VPS13C: variants seen among roughly 807,000 people sequenced by gnomAD.
The protein encoded by VPS13C is vacuolar protein sorting 13 homolog C, also known as intermembrane lipid transfer protein VPS13C.
In VPS13C, 358 loss-of-function variants were observed where a neutral mutation model predicts 456.8. That is an observed-to-expected ratio of 0.78 (90% CI 0.72 to 0.86). VPS13C has a LOEUF of 0.86. VPS13C is among the 40% of genes least tolerant of loss of function. The pLI is 0.00. For synonymous variants in VPS13C, 1,578 were observed against 1,486.7 expected (o/e 1.06, Z -1.41); for missense variants, 4,818 against 4,385.4 (o/e 1.10, Z -2.79).
At chr15:61,935,117 A>G (rs2044183268) in intron 48 of VPS13C, among the ~76,000 whole-genome samples, 1 of 152,182 alleles carries the variant, frequency 6.6e-6, no homozygotes, top group Non-Finnish European at 1.5e-5. Context: ...ATATAACTCA[A>G]TAGCAAAATC....
In VPS13C at chr15:61,878,843, T is replaced by C. The variant is rs1055612930; in HGVS notation, c.10003-97A>G. The C allele has an allele frequency of 4.7e-6, 6 of 1,271,408 alleles. No homozygotes were observed. In the African/African-American group the frequency reaches 9.1e-5, roughly 19 times the overall value. The allele number at this position is 1,271,408 out of a possible 1,614,324, so 78.8% of individuals were successfully genotyped here. A position where few individuals can be genotyped will look rare whatever the true frequency, so the allele number is the denominator to read the frequency against. ...CCAGAAACAAACCAAAAAAAGTCTT[T>C]CGATTAGAGTCCTAGTGAAAGCTAT... On this transcript the variant is annotated intron_variant, in intron 73 of 84. Transcript: ENST00000644861.
chr15:62,027,251 AAAAACTG>A (rs2047670836), intron 6 of VPS13C, among the ~76,000 whole-genome samples: 1 of 152,050 alleles, frequency 6.6e-6, no homozygotes, highest in Admixed American at 6.6e-5. Flanking sequence ...ACCTTTAAAA[AAAAACTG>A]AATCAATGAT....
chr15:62,056,650 T>A (rs1338104406), intron 1 of VPS13C, among the ~76,000 whole-genome samples: 1 of 152,154 alleles, frequency 6.6e-6, no homozygotes, highest in Non-Finnish European at 1.5e-5. Context: ...CAGTCAGGCT[T>A]GCCCGCAGTT....
At chr15:61,927,666 C>A (rs1049129471) in intron 51 of VPS13C, among the ~76,000 whole-genome samples, 1 of 152,120 alleles carries the variant, frequency 6.6e-6, no homozygotes, top group Admixed American at 6.5e-5. Flanking sequence ...ACTAGAAATA[C>A]CATTTGACCC....
chr15:61,993,192 A>T lies in VPS13C; in HGVS notation c.1354-1390T>A, dbSNP rs183923714. Among the ~76,000 whole-genome samples, 383 of 152,306 alleles carry T rather than the reference A, an allele frequency of 2.5e-3. 1 individual carries two copies. The highest frequency in any genetic ancestry group is 8.5e-3 in the African/African-American group (353 of 41,576). ...ATTCATGAACAGTTTTTACAAATCT[A>T]AAAGCAGAAAAAGCTAAAAAGCATT... On this transcript the variant is annotated intron_variant, in intron 16 of 84. Transcript: ENST00000644861.
chr15:61,959,215 A>C lies in VPS13C; in HGVS notation c.4056+233T>G, dbSNP rs145859722. ...GATATAGTATAATATGCTAATACAT[A>C]ATTTATATACAGATCTCTACCAATA... is the stretch of plus-strand genomic sequence containing the variant. On this transcript the variant is annotated intron_variant, in intron 36 of 84. Transcript: ENST00000644861. Among the ~76,000 whole-genome samples, 290 of 152,272 alleles carry C rather than the reference A, an allele frequency of 1.9e-3. 1 individual carries two copies. Among genetic ancestry groups the C allele is most frequent in the African/African-American group, 5.8e-3 (241 of 41,578 alleles).
At position 61,917,414 on chromosome 15, in the gene VPS13C, G is replaced by C. The variant is rs372808786; in HGVS notation, c.7982C>G (p.Ala2661Gly). 6.2e-7 allele frequency: 1 copy of C among 1,613,844 alleles called. No individual in the cohort carries two copies. The highest frequency in any genetic ancestry group is 1.3e-5 in the African/African-American group (1 of 74,918). ...AGAAGGATAAAGATGAATAATGTAA[G>C]CTACATCCCAGTCTTCCCCATGTGT... The part of the protein sequence containing the change: ...ICTHGEDWDV[A>G]YIIHLYPSLT... The change falls in exon 60 of 85, where the codon GCT (alanine) becomes GGT (glycine). Residue 2661 changes from alanine (A) to glycine (G), a missense_variant. Coordinates refer to ENST00000644861, the MANE Select transcript of VPS13C (RefSeq NM_020821.3).
chr15:61,922,627 T>C lies in VPS13C; in HGVS notation c.6745A>G (p.Thr2249Ala). The C allele has an allele frequency of 1.9e-6, 3 of 1,614,068 alleles. No homozygotes were observed. Among genetic ancestry groups the C allele is most frequent in the Non-Finnish European group, 2.5e-6 (3 of 1,179,974 alleles). The stretch of plus-strand genomic sequence containing the variant: ...GCCGTGTCAACACCAAGAAACCAAG[T>C]GTTATAATCATTAATCGATTTGATA... ...WGIKSINDYN[T>A]WFLGVDTATE... is the part of the protein sequence containing the mutation. The change falls in exon 54 of 85, where the codon ACT becomes GCT. Residue 2249 changes from threonine (T) to alanine (A), a missense_variant. By Grantham distance (58) the Thr-to-Ala change is moderately conservative. This residue lies in a region of VPS13C where 4,552 missense variants were observed against 4,130.6 expected (regional missense o/e 1.10). Transcript: ENST00000644861.
intron 2 of VPS13C, 99 bp from the exon 3 acceptor site, chr15:62,041,465 A>C: frequency 8.6e-7 from 1 of 1,159,786 alleles, no homozygotes; most frequent in East Asian, 2.5e-5. Flanking sequence ...TCCAAAGAAA[A>C]ACAAAAACCA....
chr15:61,912,846 T>C (rs1292895103), intron 62 of VPS13C, among the ~76,000 whole-genome samples: 1 of 133,378 alleles, frequency 7.5e-6, no homozygotes, highest in Non-Finnish European at 1.5e-5. Context: ...CCTGTGTCCA[T>C]GTGTTCTCAT....
In VPS13C at chr15:61,936,633, T is replaced by A; in HGVS notation, c.5719A>T (p.Lys1907Ter). 6.3e-7 allele frequency: 1 copy of A among 1,588,138 alleles called. No individual in the cohort carries two copies. Among genetic ancestry groups the A allele is most frequent in the Non-Finnish European group, 8.5e-7 (1 of 1,170,616 alleles). The change falls in exon 48 of 85, where the codon AAA becomes TAA. Residue 1907 changes from lysine to a stop codon, truncating the protein, a stop_gained. Transcript: ENST00000644861. LOFTEE classifies it high-confidence loss of function. ...TCAGGTACACTTGAAACATCAACTT[T>A]TCTCACTCTTACAGTCTCCTGCACA... ...QSVQETVRVR[K>*]VDVSSVPDHL... is the part of the protein sequence containing the mutation.
At chr15:62,050,758 TG>T (rs2048590036) in intron 1 of VPS13C, among the ~76,000 whole-genome samples, 1 of 145,200 alleles carries the variant, frequency 6.9e-6, no homozygotes, top group Admixed American at 7.2e-5. Flanking sequence ...GCCAGGATCA[TG>T]CCACTGCACT....
chr15:62,015,329 CT>C (rs1248710772), intron 9 of VPS13C, among the ~76,000 whole-genome samples: 3 of 152,104 alleles, frequency 2.0e-5, no homozygotes, highest in African/African-American at 4.8e-5. Context: ...ATGGTAGTTT[CT>C]TTTGCTGTGC....
chr15:62,051,138 A>G (rs1338697299), intron 1 of VPS13C, among the ~76,000 whole-genome samples: 1 of 152,174 alleles, frequency 6.6e-6, no homozygotes, highest in South Asian at 2.1e-4. Flanking sequence ...TAATCTCTCT[A>G]AACTTTTGCA....
At chr15:62,044,670 C>A (rs910420614) in intron 1 of VPS13C, among the ~76,000 whole-genome samples, 10 of 152,132 alleles carry the variant, frequency 6.6e-5, no homozygotes, top group Admixed American at 3.3e-4. Flanking sequence ...TTAACATTTT[C>A]TTCAGAAACA....
chr15:61,892,703 G>C (rs923454097), intron 66 of VPS13C, among the ~76,000 whole-genome samples: 19 of 152,090 alleles, frequency 1.2e-4, no homozygotes, highest in Admixed American at 1.2e-3. Context: ...CTCAGATCAA[G>C]AATTCAAAGG....
rs759959920 is a variant in VPS13C, at chr15:62,028,405, TC to T, written c.400del (p.Glu134SerfsTer57). On this transcript the variant is annotated frameshift_variant, in exon 6 of 85. Coordinates refer to ENST00000644861, the MANE Select transcript of VPS13C (RefSeq NM_020821.3). LOFTEE classifies it high-confidence loss of function. Reference protein sequence around the residue: ...KAAEKGTHSGEFIYGLENFVY... With the variant: ...KAAEKGTHSGXFIYGLENFVY... ...AAAGTTCTCCAAGCCATATATGAAC[TC>T]CCCTGAATGTGTGCCTGCATCCCAC... 2.1e-5 allele frequency: 34 copies of T among 1,612,960 alleles called. No individual in the cohort carries two copies.
chr15:61,872,767 T>C (rs1432563048), intron 78 of VPS13C, among the ~76,000 whole-genome samples: 1 of 152,126 alleles, frequency 6.6e-6, no homozygotes, highest in Non-Finnish European at 1.5e-5. Context: ...AACAATAACT[T>C]TTAAGTTCTT....
chr15:61,904,694 A>G (rs967753516), intron 66 of VPS13C, among the ~76,000 whole-genome samples: 4 of 152,122 alleles, frequency 2.6e-5, no homozygotes, highest in African/African-American at 9.6e-5. Flanking sequence ...ATTTATTGCA[A>G]CACTATTCAC....
Sources: gnomAD v4.1 joint callset for allele counts (sites outside exome capture counted in the v4.1 genomes callset) on GRCh38, gnomAD v4.1.1 for gene constraint, gnomAD v4.1.1 regional missense constraint, MANE v1.5 for transcripts, NCBI Gene and HGNC (gene_info 2026-07-23, HGNC 2026-07-21) for gene names.